Variants in UGT1A9 observed in about 807,000 individuals in gnomAD.
The protein encoded by UGT1A9 is UDP glucuronosyltransferase family 1 member A9.
A neutral mutation model predicts 45.0 loss-of-function variants in UGT1A9; 35 were observed. That is an observed-to-expected ratio of 0.78 (90% CI 0.59 to 1.03). The LOEUF (loss-of-function observed/expected upper bound fraction) is 1.03. Among genes scored for constraint, UGT1A9 ranks in the 50% least tolerant of loss-of-function variants. The probability of loss-of-function intolerance (pLI) is 0.00; values close to 1 mark genes in which losing one functional copy is unlikely to be tolerated. For synonymous variants in UGT1A9, 278 were observed against 250.6 expected (o/e 1.11, Z -1.03); for missense variants, 687 against 666.6 (o/e 1.03, Z -0.34).
At chr2:233,717,810 ATGCAGCCCGTTCTGTTCTGGAGGAACCAT>A (rs1283928301) in intron 1 of UGT1A9, 9 of 455,784 alleles carry the variant, frequency 2.0e-5, no homozygotes, top group Non-Finnish European at 4.0e-5. Flanking sequence ...CCCACAAATT[ATGCAGCCCGTTCTGTTCTGGAGGAACCAT>A]TCTTATCAGA....
At chr2:233,697,382 C>G (rs576473887) in intron 1 of UGT1A9, among the ~76,000 whole-genome samples, 1 of 152,024 alleles carries the variant, frequency 6.6e-6, no homozygotes, top group Non-Finnish European at 1.5e-5. Flanking sequence ...TCACAATAAT[C>G]GCTAATGATC....
At chr2:233,743,602 G>T in intron 1 of UGT1A9, 1 of 1,367,274 alleles carries the variant, frequency 7.3e-7, no homozygotes, top group Non-Finnish European at 9.8e-7. Context: ...GGTCCTGGCC[G>T]CCGAAGAACT....
intron 1 of UGT1A9, among the ~76,000 whole-genome samples, chr2:233,714,935 G>A (rs1484884926): frequency 2.0e-5 from 3 of 152,106 alleles, no homozygotes; most frequent in Non-Finnish European, 4.4e-5. Flanking sequence ...GGAGTGCAGT[G>A]GTGGGATCTT....
intron 1 of UGT1A9, among the ~76,000 whole-genome samples, chr2:233,716,864 C>T (rs1229406497): frequency 2.0e-5 from 3 of 152,102 alleles, no homozygotes; most frequent in Non-Finnish European, 2.9e-5. Context: ...GCTGATGGCT[C>T]CAAGTCTATC....
rs1699312675 is a variant in UGT1A9, at chr2:233,767,039, T to C, written c.861T>C (p.Phe287=). The change falls in exon 2 of 5, where the codon TTT becomes TTC. Residue 287 remains phenylalanine, a synonymous_variant. Transcript: ENST00000354728. ...AATTTTTCTTCTGGCTCTAGGAATT[T>C]GAAGCCTACATTAATGCTTCTGGAG... ...CHQGKPLPME[F]EAYINASGEH... 1 of 1,614,136 alleles carries C rather than the reference T, an allele frequency of 6.2e-7. No homozygotes were observed. The highest frequency in any genetic ancestry group is 1.1e-5 in the South Asian group (1 of 91,058).
intron 1 of UGT1A9, chr2:233,743,840 A>C: frequency 7.3e-7 from 1 of 1,367,236 alleles, no homozygotes; most frequent in Non-Finnish European, 9.8e-7. Flanking sequence ...CTTGAGCGCC[A>C]GCTTGCGGTA....
chr2:233,745,543 AC>A (rs1237157104), intron 1 of UGT1A9, among the ~76,000 whole-genome samples: 1 of 151,766 alleles, frequency 6.6e-6, no homozygotes, highest in Non-Finnish European at 1.5e-5. Flanking sequence ...TGTCACCAGA[AC>A]AAACTTCTAA....
chr2:233,679,545 C>CT (rs113272257), intron 1 of UGT1A9, among the ~76,000 whole-genome samples: 3 of 151,300 alleles, frequency 2.0e-5, no homozygotes, highest in African/African-American at 4.9e-5. Context: ...TTTGTGTCAT[C>CT]TTTTTTTTTG....
chr2:233,684,677 T>C (rs370065450), intron 1 of UGT1A9, among the ~76,000 whole-genome samples: 1 of 152,114 alleles, frequency 6.6e-6, no homozygotes, highest in Non-Finnish European at 1.5e-5. Flanking sequence ...ATACATATGA[T>C]AGGATTTATA....
At chr2:233,701,458 A>G (rs1167307103) in intron 1 of UGT1A9, among the ~76,000 whole-genome samples, 7 of 152,132 alleles carry the variant, frequency 4.6e-5, no homozygotes, top group Admixed American at 1.3e-4. Flanking sequence ...TAACAAGGAT[A>G]CCCAGGAATT....
At chr2:233,738,315 GTGAA>G (rs1690761880) in intron 1 of UGT1A9, among the ~76,000 whole-genome samples, 1 of 152,192 alleles carries the variant, frequency 6.6e-6, no homozygotes, top group African/African-American at 2.4e-5. Context: ...ATAGCAGTGT[GTGAA>G]TGGACTAATA....
chr2:233,760,308 C>T lies in UGT1A9; in HGVS notation c.856-6726C>T, dbSNP rs780253764. Reference sequence around the variant, plus strand: ...GCGCCATGGCTGTGGAGTCCCAGGGCGGACGCCCACTTGTCCTGGGCCTGC... The same window carrying T: ...GCGCCATGGCTGTGGAGTCCCAGGGTGGACGCCCACTTGTCCTGGGCCTGC... On this transcript the variant is annotated intron_variant, in intron 1 of 4. Transcript: ENST00000354728. 9.9e-6 allele frequency: 16 copies of T among 1,613,678 alleles called. No homozygotes were observed. The highest frequency in any genetic ancestry group is 1.7e-5 in the Admixed American group (1 of 60,028).
In UGT1A9 at chr2:233,773,045, T is replaced by C. The variant is rs1700563904; in HGVS notation, c.*486T>C. ...GTGTGTTTAAAGAAGGGAAGCTTTG[T>C]ACCTTTAGAGTGTAGGTGAAATGAA... On this transcript the variant is annotated 3_prime_UTR_variant, in exon 5 of 5. Transcript: ENST00000354728. 1 of 194,454 alleles carries C rather than the reference T, an allele frequency of 5.1e-6. No homozygotes were observed. Among genetic ancestry groups the C allele is most frequent in the Non-Finnish European group, 1.1e-5 (1 of 92,946 alleles). The allele number at this position is 194,454 out of a possible 1,614,324, so 12.0% of individuals were successfully genotyped here.
intron 1 of UGT1A9, among the ~76,000 whole-genome samples, chr2:233,736,830 T>C (rs917006233): frequency 6.6e-6 from 1 of 152,234 alleles, no homozygotes; most frequent in African/African-American, 2.4e-5. Flanking sequence ...TGCTCTTTGC[T>C]TTGGTATCAC....
intron 1 of UGT1A9, chr2:233,691,161 T>G: frequency 4.1e-6 from 4 of 985,750 alleles, no homozygotes; most frequent in Non-Finnish European, 4.8e-6. Flanking sequence ...GAAGGAAACC[T>G]GCCTAATGTC....
intron 1 of UGT1A9, among the ~76,000 whole-genome samples, chr2:233,735,346 T>C (rs559111340): frequency 6.6e-6 from 1 of 152,212 alleles, no homozygotes; most frequent in Non-Finnish European, 1.5e-5. Flanking sequence ...GCTTTTTTTT[T>C]GCTTTCCATT....
At chr2:233,756,557 G>C (rs1264520005) in intron 1 of UGT1A9, among the ~76,000 whole-genome samples, 1 of 152,134 alleles carries the variant, frequency 6.6e-6, no homozygotes, top group Admixed American at 6.6e-5. Flanking sequence ...CAACCAGGGA[G>C]ATCCTCTCAG....
In UGT1A9 at chr2:233,760,736, C is replaced by T. The variant is rs371418452; in HGVS notation, c.856-6298C>T. ...GAAAGCAGCTTTGATGTCATGCTGA[C>T]GGACCCTTTCCTTCCTTGCAGCCCC... is the stretch of plus-strand genomic sequence containing the variant. On this transcript the variant is annotated intron_variant, in intron 1 of 4. Coordinates refer to ENST00000354728, the MANE Select transcript of UGT1A9 (RefSeq NM_021027.3). The T allele has an allele frequency of 6.2e-7, 1 of 1,614,160 alleles. No homozygotes were observed.
intron 1 of UGT1A9, chr2:233,752,367 A>G (rs1694954220): frequency 1.3e-5 from 2 of 152,220 alleles, no homozygotes; most frequent in Admixed American, 1.3e-4. Context: ...AGGGGTCTCA[A>G]GAGGGTCATC....
Sources: allele counts gnomAD v4.1 joint callset (sites outside exome capture counted in the v4.1 genomes callset), GRCh38; gene constraint gnomAD v4.1.1; transcripts MANE v1.5; gene names NCBI Gene and HGNC (gene_info 2026-07-23, HGNC 2026-07-21).